The following CALN1 variants were observed in gnomAD, a reference collection of about 807,000 sequenced individuals.
The protein encoded by CALN1 is calcium-binding protein 8.
Under a neutral mutation model 30.6 loss-of-function variants are expected in CALN1, and 17 were observed. The ratio of observed to expected loss-of-function variants is 0.56; its 90% CI spans 0.38 to 0.83. The LOEUF is 0.83. CALN1 is among the 40% of genes least tolerant of loss of function. The pLI is 0.00. For missense variants in CALN1, 291 were observed against 354.9 expected, an observed-to-expected ratio of 0.82 and a Z score of 1.45; for synonymous variants, 156 against 131.4, an observed-to-expected ratio of 1.19 and a Z score of -1.28.
intron 2 of CALN1, among the ~76,000 whole-genome samples, chr7:72,364,336 G>A (rs539238812): frequency 2.0e-5 from 3 of 152,260 alleles, no homozygotes; most frequent in African/African-American, 7.2e-5. Flanking sequence ...ATAATTAATG[G>A]GGAAGAACTA....
At chr7:72,248,326 G>T (rs1795325451) in intron 3 of CALN1, among the ~76,000 whole-genome samples, 1 of 152,038 alleles carries the variant, frequency 6.6e-6, no homozygotes, top group African/African-American at 2.4e-5. Flanking sequence ...TATAGGCCCG[G>T]CTGGTCTAGA....
At chr7:72,289,087 T>A (rs758458554) in intron 2 of CALN1, among the ~76,000 whole-genome samples, 3 of 152,228 alleles carry the variant, frequency 2.0e-5, no homozygotes, top group Non-Finnish European at 4.4e-5. Flanking sequence ...TAGAGAATTA[T>A]AAATTAATGA....
intron 5 of CALN1, among the ~76,000 whole-genome samples, chr7:71,955,811 G>A (rs560740858): frequency 2.0e-5 from 3 of 151,982 alleles, no homozygotes; most frequent in South Asian, 2.1e-4. Flanking sequence ...CAAGCAGACA[G>A]ACAACCTCCT....
intron 5 of CALN1, among the ~76,000 whole-genome samples, chr7:71,863,599 TAAC>T (rs1791426390): frequency 1.5e-5 from 1 of 64,676 alleles, no homozygotes; most frequent in South Asian, 5.1e-4. Flanking sequence ...AAGAAAGAAA[TAAC>T]AACAAAACAC....
intron 3 of CALN1, among the ~76,000 whole-genome samples, chr7:72,232,457 AT>A (rs397958180): frequency 1.4e-4 from 21 of 151,916 alleles, no homozygotes; most frequent in East Asian, 9.7e-4. Context: ...TTTCAAAAAA[AT>A]TTTTTTTTAA....
chr7:72,102,424 G>GT (rs1806741639), intron 4 of CALN1, among the ~76,000 whole-genome samples: 1 of 151,996 alleles, frequency 6.6e-6, no homozygotes, highest in African/African-American at 2.4e-5. Flanking sequence ...CAGCCTGGGC[G>GT]TAAGACAGAG....
chr7:72,285,767 G>T (rs1305095383), intron 2 of CALN1, among the ~76,000 whole-genome samples: 1 of 152,110 alleles, frequency 6.6e-6, no homozygotes, highest in Non-Finnish European at 1.5e-5. Flanking sequence ...TTTCTTAAAA[G>T]TCTTAGATGG....
chr7:72,287,966 T>C (rs1439299909), intron 2 of CALN1, among the ~76,000 whole-genome samples: 2 of 152,200 alleles, frequency 1.3e-5, no homozygotes, highest in Non-Finnish European at 2.9e-5. Context: ...GATTGGGTTA[T>C]TTATTGGTAT....
chr7:72,431,845 C>CAAA (rs1168420802), intron 1 of CALN1, among the ~76,000 whole-genome samples: 8 of 100,860 alleles, frequency 7.9e-5, no homozygotes, highest in Non-Finnish European at 3.9e-5. Context: ...ACCTCATCTC[C>CAAA]AAAAAAAAAA....
At chr7:71,933,837 T>C (rs1795687071) in intron 5 of CALN1, among the ~76,000 whole-genome samples, 1 of 152,182 alleles carries the variant, frequency 6.6e-6, no homozygotes, top group Non-Finnish European at 1.5e-5. Context: ...CGGAGCAGTA[T>C]TGATAATTAT....
At chr7:72,270,645 C>T (rs1204500471) in intron 3 of CALN1, among the ~76,000 whole-genome samples, 1 of 152,036 alleles carries the variant, frequency 6.6e-6, no homozygotes, top group Non-Finnish European at 1.5e-5. Context: ...TGTGGTGACA[C>T]ACACCTGTAG....
intron 3 of CALN1, among the ~76,000 whole-genome samples, chr7:72,271,575 A>T (rs56100308): frequency 0.081 from 4,261 of 52,436 alleles, 384 homozygotes; most frequent in Middle Eastern, 0.11. Context: ...AAAAAAAAAA[A>T]ATATATATAT....
the CALN1 span, among the ~76,000 whole-genome samples, chr7:72,486,789 ATTTC>A: frequency 1.3e-5 from 2 of 152,192 alleles, no homozygotes; most frequent in African/African-American, 4.8e-5. Context: ...ATTTTCTCCA[ATTTC>A]TTCCTTCATT....
Position 72,007,140 on chromosome 7 carries a change from C to T in CALN1, c.501+16517G>A, listed in dbSNP as rs150453956. On this transcript the variant is annotated intron_variant, in intron 5 of 6. Transcript: ENST00000395275. Reference sequence around the variant, plus strand: ...GGACCAGGACTGTTCGGAATAAAGACGACATTTCCCAGCTTCCCTTGCTGC... The same window carrying T: ...GGACCAGGACTGTTCGGAATAAAGATGACATTTCCCAGCTTCCCTTGCTGC... Among the ~76,000 whole-genome samples, 204 of 152,296 alleles carry T rather than the reference C, an allele frequency of 1.3e-3. 1 individual carries two copies. The highest frequency in any genetic ancestry group is 4.3e-3 in the African/African-American group (177 of 41,546).
chr7:72,357,479 G>A (rs1175279327), intron 2 of CALN1, among the ~76,000 whole-genome samples: 1 of 151,904 alleles, frequency 6.6e-6, no homozygotes, highest in Non-Finnish European at 1.5e-5. Context: ...TAAAGGTAGA[G>A]AAAAGTGTGT....
intron 5 of CALN1, among the ~76,000 whole-genome samples, chr7:71,960,819 T>C (rs1443348771): frequency 1.3e-5 from 2 of 152,204 alleles, no homozygotes; most frequent in African/African-American, 4.8e-5. Context: ...TATTTTATTC[T>C]AATTTAATTG....
At chr7:72,219,564 GAATC>G (rs770992417) in intron 3 of CALN1, among the ~76,000 whole-genome samples, 35 of 152,056 alleles carry the variant, frequency 2.3e-4, no homozygotes, top group Non-Finnish European at 4.6e-4. Context: ...CTGAATTTCA[GAATC>G]AATCAGAGGT....
At chr7:72,122,126 C>T (rs576653292) in intron 3 of CALN1, among the ~76,000 whole-genome samples, 12 of 151,862 alleles carry the variant, frequency 7.9e-5, no homozygotes, top group Non-Finnish European at 1.6e-4. Context: ...TTGGCCCATA[C>T]GGCAATATTG....
intron 5 of CALN1, among the ~76,000 whole-genome samples, chr7:71,822,141 T>C: frequency 6.6e-6 from 1 of 152,194 alleles, no homozygotes; most frequent in East Asian, 1.9e-4. Flanking sequence ...TAGAATTGGA[T>C]TCTAAAGAAA....
Sources: gnomAD v4.1 joint callset for allele counts (sites outside exome capture counted in the v4.1 genomes callset) on GRCh38, gnomAD v4.1.1 for gene constraint, MANE v1.5 for transcripts, NCBI Gene and HGNC (gene_info 2026-07-23, HGNC 2026-07-21) for gene names.